The following KCNU1 variants were observed in gnomAD, a reference collection of about 807,000 sequenced individuals.
KCNU1 encodes potassium calcium-activated channel subfamily U member 1, also known as potassium channel subfamily U member 1.
In KCNU1, 93 loss-of-function variants were observed where a neutral mutation model predicts 126.8. The observed-to-expected ratio is 0.73, with a 90% CI of 0.62 to 0.87. The LOEUF (loss-of-function observed/expected upper bound fraction) is 0.87. Among genes scored for constraint, KCNU1 ranks in the 40% least tolerant of loss-of-function variants. The pLI is 0.00. For synonymous variants in KCNU1, 523 were observed against 494.2 expected (o/e 1.06, Z -0.77); for missense variants, 1,330 against 1,367.1 (o/e 0.97, Z 0.43).
intron 1 of KCNU1, among the ~76,000 whole-genome samples, chr8:36,785,196 T>C (rs1283113267): frequency 6.6e-6 from 1 of 152,190 alleles, no homozygotes; most frequent in Non-Finnish European, 1.5e-5. Context: ...GAATAACAGC[T>C]GGCAAATGAT....
At chr8:36,929,092 A>G (rs1236927368) in intron 24 of KCNU1, 2 of 678,670 alleles carry the variant, frequency 2.9e-6, no homozygotes, top group Non-Finnish European at 5.3e-6. Context: ...GTTGCTGAAA[A>G]AACAATCAGC....
intron 10 of KCNU1, among the ~76,000 whole-genome samples, chr8:36,825,918 G>A (rs1156232157): frequency 6.6e-6 from 1 of 151,990 alleles, no homozygotes; most frequent in East Asian, 1.9e-4. Context: ...TTACCTTGTT[G>A]AAAGAGCTAT....
intron 2 of KCNU1, among the ~76,000 whole-genome samples, chr8:36,796,551 C>T (rs1044992507): frequency 2.0e-5 from 3 of 152,134 alleles, no homozygotes; most frequent in African/African-American, 7.2e-5. Context: ...TATACAAAGT[C>T]ACCTATTGTA....
At chr8:36,844,940 C>T (rs995557348) in intron 16 of KCNU1, among the ~76,000 whole-genome samples, 3 of 152,150 alleles carry the variant, frequency 2.0e-5, no homozygotes, top group Non-Finnish European at 4.4e-5. Context: ...CAAAGAGTAT[C>T]ATGGACAGAA....
chr8:36,890,430 GT>G (rs1239101389), intron 19 of KCNU1, among the ~76,000 whole-genome samples: 2 of 151,862 alleles, frequency 1.3e-5, no homozygotes, highest in African/African-American at 2.4e-5. Context: ...GCAGTGTAGT[GT>G]TTTTCAAAGA....
chr8:36,932,973 C>G lies in KCNU1; in HGVS notation c.2985C>G (p.Ile995Met). ...LFCGSLDLFG[I>M]LCVGLYRIID... ...GTGGCTCATTAGATCTTTTTGGAAT[C>G]CTGTGTGTTGGCTTATACCGAATAA... is the stretch of plus-strand genomic sequence containing the variant. The change falls in exon 26 of 27, where the codon ATC becomes ATG. Residue 995 changes from isoleucine (I) to methionine (M), a missense_variant. Ile to Met is a conservative substitution (Grantham distance 10). Around this residue, in one of 3 missense-constraint regions of KCNU1, gnomAD observed 1,054 missense variants for 1,053.9 expected, o/e 1.00. Transcript: ENST00000399881. The G allele has an allele frequency of 2.5e-6, 4 of 1,577,174 alleles. No homozygotes were observed. Among genetic ancestry groups the G allele is most frequent in the Non-Finnish European group, 3.4e-6 (4 of 1,159,722 alleles).
Position 36,845,618 on chromosome 8 carries a change from G to T in KCNU1, c.1742G>T (p.Arg581Leu), listed in dbSNP as rs561683935. Reference sequence around the variant, plus strand: ...AATCCACCTCCACAAGTGAGGATACGTAAGAACACATTAGGGTTCTTTATT... The same window carrying T: ...AATCCACCTCCACAAGTGAGGATACTTAAGAACACATTAGGGTTCTTTATT... ...ILNPPPQVRI[R>L]KNTLGFFIAE... The change falls in exon 17 of 27, where the codon CGT becomes CTT. Residue 581 changes from arginine to leucine, a missense_variant. Around this residue, in one of 3 missense-constraint regions of KCNU1, gnomAD observed 1,054 missense variants for 1,053.9 expected, o/e 1.00. Coordinates refer to ENST00000399881, the MANE Select transcript of KCNU1 (RefSeq NM_001031836.3). 56 of 1,610,226 alleles carry T rather than the reference G, an allele frequency of 3.5e-5. No individual in the cohort carries two copies. Among genetic ancestry groups the T allele is most frequent in the Admixed American group, 1.7e-5 (1 of 59,974 alleles).
At chr8:36,928,646 C>T (rs527815339) in intron 24 of KCNU1, among the ~76,000 whole-genome samples, 15 of 152,278 alleles carry the variant, frequency 9.9e-5, no homozygotes, top group African/African-American at 1.7e-4. Flanking sequence ...ATCCCAATCA[C>T]GCCTACATTT....
chr8:36,806,327 T>C lies in KCNU1; in HGVS notation c.527T>C (p.Ile176Thr). 1 of 1,611,898 alleles carries C rather than the reference T, an allele frequency of 6.2e-7. No homozygotes were observed. Among genetic ancestry groups the C allele is most frequent in the African/African-American group, 1.3e-5 (1 of 74,966 alleles). Residue 176 changes from isoleucine (I) to threonine (T), a missense_variant, in exon 5 of 27, where the codon ATC (isoleucine) becomes ACC (threonine). Coordinates refer to ENST00000399881, the MANE Select transcript of KCNU1 (RefSeq NM_001031836.3). ...FWLEMNSIVD[I>T]FTIPPTFISY... is the part of the protein sequence containing the mutation. ...CTGGAGATGAATTCAATCGTAGACA[T>C]CTTTACCATCCCACCAACCTTTATT...
chr8:36,911,059 A>G lies in KCNU1; in HGVS notation c.2461A>G (p.Thr821Ala). Reference protein sequence around the residue: ...TLVDTEAIMATLTIGSLQIDS... With the variant: ...TLVDTEAIMAALTIGSLQIDS... ...GGTAGACACAGAAGCCATCATGGCAACCCTCACCATCGGATCCTTGCAAAT... is the reference window on the plus strand; with the variant it reads ...GGTAGACACAGAAGCCATCATGGCAGCCCTCACCATCGGATCCTTGCAAAT... The change falls in exon 22 of 27, where the codon ACC becomes GCC. Residue 821 changes from threonine (T) to alanine (A), a missense_variant. Thr to Ala is a moderately conservative substitution (Grantham distance 58). This residue lies in a region of KCNU1 where 1,054 missense variants were observed against 1,053.9 expected (regional missense o/e 1.00). Transcript: ENST00000399881. 2 of 1,613,704 alleles carry G rather than the reference A, an allele frequency of 1.2e-6. No homozygotes were observed. Among genetic ancestry groups the G allele is most frequent in the Non-Finnish European group, 1.7e-6 (2 of 1,179,786 alleles).
chr8:36,878,905 TATATA>T (rs1389460885), intron 19 of KCNU1, among the ~76,000 whole-genome samples: 5 of 147,822 alleles, frequency 3.4e-5, no homozygotes, highest in Non-Finnish European at 7.4e-5. Context: ...TTTAATACAT[TATATA>T]ATATATGTTT....
intron 2 of KCNU1, among the ~76,000 whole-genome samples, chr8:36,797,647 TA>T (rs1803150348): frequency 6.7e-6 from 1 of 149,986 alleles, no homozygotes. Flanking sequence ...TTTTTTTTTT[TA>T]AAGAAGTGCC....
intron 13 of KCNU1, 149 bp downstream of exon 13, chr8:36,836,514 A>G: frequency 4.8e-6 from 3 of 627,120 alleles, no homozygotes; most frequent in Non-Finnish European, 5.5e-6. Flanking sequence ...ATCACTTAAC[A>G]ATGTAAATTG....
intron 19 of KCNU1, among the ~76,000 whole-genome samples, chr8:36,904,536 G>A (rs1194082446): frequency 6.6e-6 from 1 of 152,168 alleles, no homozygotes; most frequent in South Asian, 2.1e-4. Flanking sequence ...AGGGTGGGTA[G>A]TCTTTAAAGC....
At chr8:36,933,966 G>A (rs1374567735) in intron 26 of KCNU1, among the ~76,000 whole-genome samples, 2 of 152,224 alleles carry the variant, frequency 1.3e-5, no homozygotes, top group South Asian at 2.1e-4. Flanking sequence ...GAGAGGAGTG[G>A]AAGAGGAGGC....
intron 19 of KCNU1, among the ~76,000 whole-genome samples, chr8:36,867,437 T>C (rs963629385): frequency 6.6e-6 from 1 of 152,144 alleles, no homozygotes; most frequent in Non-Finnish European, 1.5e-5. Flanking sequence ...AAGAACACAG[T>C]CTTGGATTTT....
intron 7 of KCNU1, among the ~76,000 whole-genome samples, chr8:36,811,526 G>A (rs562229436): frequency 1.2e-4 from 18 of 152,290 alleles, no homozygotes; most frequent in Non-Finnish European, 1.5e-4. Context: ...CATGCAAGGG[G>A]AAATGCACCA....
At chr8:36,814,623 A>C (rs543603998) in intron 8 of KCNU1, among the ~76,000 whole-genome samples, 3 of 152,242 alleles carry the variant, frequency 2.0e-5, no homozygotes, top group Non-Finnish European at 4.4e-5. Flanking sequence ...TTTCCTTATT[A>C]AGCTCTACAT....
rs1175587094 is a variant in KCNU1, at chr8:36,814,367, T to C, written c.893T>C (p.Leu298Pro). ...LGRTFIMFFT[L>P]GSLILFANYI... ...CGGACCTTCATCATGTTCTTCACAC[T>C]GGGGAGTTTGGTGAAGAATATTTTT... Residue 298 changes from leucine to proline, a missense_variant, in exon 8 of 27, where the codon CTG (leucine) becomes CCG (proline). Transcript: ENST00000399881. 6.2e-7 allele frequency: 1 copy of C among 1,606,620 alleles called. No individual in the cohort carries two copies. Among genetic ancestry groups the C allele is most frequent in the Non-Finnish European group, 8.5e-7 (1 of 1,175,102 alleles).
Sources: gnomAD v4.1 joint callset for allele counts (sites outside exome capture counted in the v4.1 genomes callset) on GRCh38, gnomAD v4.1.1 for gene constraint, gnomAD v4.1.1 regional missense constraint, MANE v1.5 for transcripts, NCBI Gene and HGNC (gene_info 2026-07-23, HGNC 2026-07-21) for gene names.